FHDC1: variants seen among roughly 807,000 people sequenced by gnomAD.
FHDC1 encodes FH2 domain-containing protein 1.
FHDC1 carries 25 observed loss-of-function variants against 52.6 expected under a neutral mutation model. The ratio of observed to expected loss-of-function variants is 0.48; its 90% CI spans 0.35 to 0.66. The LOEUF is 0.66. FHDC1 is among the 30% of genes least tolerant of loss of function. The pLI is 0.01. For synonymous variants in FHDC1, 616 were observed against 581.5 expected, an observed-to-expected ratio of 1.06 and a Z score of -0.85; for missense variants, 1,459 against 1,452.8, an observed-to-expected ratio of 1.00 and a Z score of -0.07.
intron 4 of FHDC1, among the ~76,000 whole-genome samples, chr4:152,959,584 G>A (rs977625240): frequency 7.2e-5 from 11 of 152,176 alleles, no homozygotes; most frequent in Middle Eastern, 3.4e-3. Flanking sequence ...GGGGCTTTTT[G>A]GGGGAGGGGC....
At position 152,952,747 on chromosome 4, in the gene FHDC1, G is replaced by A. The variant is rs147361407; in HGVS notation, c.499-752G>A. 3.9e-5 allele frequency among the ~76,000 whole-genome samples: 6 copies of A among 152,288 alleles called. No homozygotes were observed. The East Asian group carries it at 1.2e-3, about 29-fold the overall frequency. On this transcript the variant is annotated intron_variant, in intron 2 of 11. Transcript: ENST00000511601. ...AGGGGTCCTGGAACTAATCCCCTGT[G>A]ATACTAAAGGATGACTGACTTTACA...
the FHDC1 span, among the ~76,000 whole-genome samples, chr4:152,914,193 G>A: frequency 2.0e-5 from 3 of 152,064 alleles, no homozygotes; most frequent in Admixed American, 6.6e-5. Flanking sequence ...ATTAAAATAG[G>A]ACAATGCAAA....
intron 2 of FHDC1, among the ~76,000 whole-genome samples, chr4:152,950,464 T>C (rs1350199426): frequency 6.6e-6 from 1 of 152,214 alleles, no homozygotes; most frequent in Admixed American, 6.5e-5. Flanking sequence ...GGCTCTGTTT[T>C]TCCTGTAAGG....
chr4:152,925,399 G>A, the FHDC1 span, among the ~76,000 whole-genome samples: 6 of 151,902 alleles, frequency 3.9e-5, no homozygotes, highest in African/African-American at 1.5e-4. Context: ...ATTACCCTAG[G>A]CAGTTGTCAG....
Position 152,943,508 on chromosome 4 carries a change from A to G in FHDC1, c.451A>G (p.Arg151Gly), listed in dbSNP as rs890666586. 17 of 1,613,982 alleles carry G rather than the reference A, an allele frequency of 1.1e-5. No homozygotes were observed. Among genetic ancestry groups the G allele is most frequent in the Non-Finnish European group, 1.0e-5 (12 of 1,179,944 alleles). The change falls in exon 2 of 12, where the codon AGG becomes GGG. Residue 151 changes from arginine (R) to glycine (G), a missense_variant. Coordinates refer to ENST00000511601, the MANE Select transcript of FHDC1 (RefSeq NM_001371116.1). ...AGACACCACCAAGTCTTCCCTTCCT[A>G]GGAGAGGAAGAACTTTAAATTCATC... is the stretch of plus-strand genomic sequence containing the variant. ...QEDTTKSSLP[R>G]RGRTLNSSFR...
the FHDC1 span, among the ~76,000 whole-genome samples, chr4:152,915,394 CG>C: frequency 2.0e-5 from 3 of 152,188 alleles, no homozygotes; most frequent in African/African-American, 7.2e-5. Context: ...GGATTACAGG[CG>C]TGAGCCACTG....
chr4:152,976,739 T>C lies in FHDC1; in HGVS notation c.*16T>C. On this transcript the variant is annotated 3_prime_UTR_variant, in exon 12 of 12. Coordinates refer to ENST00000511601, the MANE Select transcript of FHDC1 (RefSeq NM_001371116.1). ...ACGGAAGTGATGGGTGCCTGTCCTC[T>C]CCTGCCTCCTGGGATTCAGACGGTG... The C allele has an allele frequency of 6.9e-7, 1 of 1,456,614 alleles. No individual in the cohort carries two copies. The highest frequency in any genetic ancestry group is 9.1e-7 in the Non-Finnish European group (1 of 1,100,822). 90.2% of individuals were successfully genotyped at this position (1,456,614 alleles called of 1,614,324 possible). A position where few individuals can be genotyped will look rare whatever the true frequency, so the allele number is the denominator to read the frequency against.
intron 8 of FHDC1, among the ~76,000 whole-genome samples, chr4:152,964,036 G>C (rs1474653215): frequency 6.6e-6 from 1 of 151,966 alleles, no homozygotes; most frequent in African/African-American, 2.4e-5. Flanking sequence ...GGGAGATTTT[G>C]ACTGTCCTTT....
the FHDC1 span, among the ~76,000 whole-genome samples, chr4:152,925,010 T>TA: frequency 0.57 from 85,961 of 149,900 alleles, 24,705 homozygotes; most frequent in Admixed American, 0.69. Context: ...TAAAGTATAA[T>TA]AAAAAAAAAG....
At chr4:152,973,742 T>C (rs537584832) in intron 11 of FHDC1, among the ~76,000 whole-genome samples, 2 of 152,340 alleles carry the variant, frequency 1.3e-5, no homozygotes, top group South Asian at 4.1e-4. Context: ...AGGAAATTGA[T>C]TGTCAAGTAA....
the FHDC1 span, among the ~76,000 whole-genome samples, chr4:152,917,745 G>C: frequency 6.6e-6 from 1 of 152,198 alleles, no homozygotes; most frequent in East Asian, 1.9e-4. Flanking sequence ...CAGCTTGCCT[G>C]TGTTGACTTT....
At chr4:152,916,151 AT>A in the FHDC1 span, among the ~76,000 whole-genome samples, 1 of 149,708 alleles carries the variant, frequency 6.7e-6, no homozygotes, top group Non-Finnish European at 1.5e-5. Context: ...GAAAAAAAAA[AT>A]TAGTAATACT....
Position 152,976,502 on chromosome 4 carries a change from G to C in FHDC1, c.3211G>C (p.Val1071Leu). ...TRTVSQRQLR[V>L]KGDPEDAAPK... ...GACAGTGTCGCAGCGGCAGCTGAGG[G>C]TGAAAGGGGACCCCGAGGATGCCGC... The change falls in exon 12 of 12, where the codon GTG becomes CTG. Residue 1071 changes from valine (V) to leucine (L), a missense_variant. Val to Leu is a conservative substitution (Grantham distance 32). This residue lies in a region of FHDC1 where 939 missense variants were observed against 854.5 expected (regional missense o/e 1.10). Transcript: ENST00000511601. 6.2e-7 allele frequency: 1 copy of C among 1,613,462 alleles called. No individual in the cohort carries two copies. The highest frequency in any genetic ancestry group is 8.5e-7 in the Non-Finnish European group (1 of 1,180,028).
chr4:152,974,427 C>T (rs145375548), intron 11 of FHDC1, among the ~76,000 whole-genome samples: 1 of 152,258 alleles, frequency 6.6e-6, no homozygotes, highest in East Asian at 1.9e-4. Flanking sequence ...GCCAGGTCTA[C>T]AGCACTCACC....
the FHDC1 span, among the ~76,000 whole-genome samples, chr4:152,916,574 A>AT: frequency 1.7e-5 from 1 of 60,300 alleles, no homozygotes. Flanking sequence ...TCATAATAAC[A>AT]TTAAAAAAAA....
intron 2 of FHDC1, among the ~76,000 whole-genome samples, chr4:152,951,722 AC>A (rs1291107987): frequency 6.6e-6 from 1 of 152,150 alleles, no homozygotes. Context: ...GAGCATTATA[AC>A]AACATTCCTA....
At chr4:152,911,805 T>C in the FHDC1 span, 6 of 152,596 alleles carry the variant, frequency 3.9e-5, no homozygotes, top group Admixed American at 2.6e-4. Context: ...GAGAGCCTTA[T>C]TTTATTCTTC....
At chr4:152,973,490 T>G (rs1740739444) in intron 11 of FHDC1, among the ~76,000 whole-genome samples, 1 of 152,192 alleles carries the variant, frequency 6.6e-6, no homozygotes, top group Admixed American at 6.5e-5. Flanking sequence ...CAAGGCCAAG[T>G]TGGCTCTTAA....
intron 8 of FHDC1, among the ~76,000 whole-genome samples, chr4:152,964,031 A>AT (rs1740377839): frequency 6.6e-6 from 1 of 151,630 alleles, no homozygotes; most frequent in Non-Finnish European, 1.5e-5. Context: ...GGACTGGGAG[A>AT]TTTTGACTGT....
Sources: allele counts gnomAD v4.1 joint callset (sites outside exome capture counted in the v4.1 genomes callset), GRCh38; gene constraint gnomAD v4.1.1; regional missense constraint gnomAD v4.1.1; transcripts MANE v1.5; gene names NCBI Gene and HGNC (gene_info 2026-07-23, HGNC 2026-07-21).